ARFGEF1: variants seen among roughly 807,000 people sequenced by gnomAD.
ARFGEF1 encodes the protein brefeldin A-inhibited guanine nucleotide-exchange protein 1.
Under a neutral mutation model 231.0 loss-of-function variants are expected in ARFGEF1, and 42 were observed. The ratio of observed to expected loss-of-function variants is 0.18; its 90% CI spans 0.14 to 0.24. The LOEUF (loss-of-function observed/expected upper bound fraction) is 0.24. ARFGEF1 is among the 10% of genes least tolerant of loss of function. The pLI, the probability that ARFGEF1 is intolerant of heterozygous loss-of-function variation, is 1.00. For missense variants in ARFGEF1, 1,345 were observed against 2,192.0 expected, an observed-to-expected ratio of 0.61 and a Z score of 7.72; for synonymous variants, 710 against 732.3, an observed-to-expected ratio of 0.97 and a Z score of 0.49.
chr8:67,201,803 T>C lies in ARFGEF1; in HGVS notation c.5129-198A>G, dbSNP rs528942666. ...CTATTCAAGCTGGGGATATGAGATA[T>C]AAAAAAACTTGTGGCCTGGGAAGGT... On this transcript the variant is annotated intron_variant, in intron 36 of 38. Transcript: ENST00000262215. The C allele has an allele frequency of 9.6e-6, 6 of 627,792 alleles. No individual in the cohort carries two copies. The African/African-American group carries it at 9.6e-5, about 10-fold the overall frequency. The allele number at this position is 627,792 out of a possible 1,614,324, so 38.9% of individuals were successfully genotyped here. A position where few individuals can be genotyped will look rare whatever the true frequency, so the allele number is the denominator to read the frequency against.
chr8:67,333,157 G>T (rs1808181514), intron 1 of ARFGEF1, among the ~76,000 whole-genome samples: 1 of 150,812 alleles, frequency 6.6e-6, no homozygotes, highest in African/African-American at 2.4e-5. Flanking sequence ...TGCCTCAGCC[G>T]CCCGAGCAGC....
At position 67,302,426 on chromosome 8, in the gene ARFGEF1, TC is replaced by T; in HGVS notation, c.155+9del. On this transcript the variant is annotated intron_variant, in intron 2 of 38. Coordinates refer to ENST00000262215, the MANE Select transcript of ARFGEF1 (RefSeq NM_006421.5). ...AATTATTTTTACTAAAGAAAAGAAA[TC>T]CCACAAACCTCTGTTTTTCAGTTTC... 1.3e-6 allele frequency: 2 copies of T among 1,562,482 alleles called. No individual in the cohort carries two copies. The highest frequency in any genetic ancestry group is 1.2e-5 in the South Asian group (1 of 80,980).
At chr8:67,284,638 G>C (rs527719344) in intron 7 of ARFGEF1, among the ~76,000 whole-genome samples, 1 of 152,086 alleles carries the variant, frequency 6.6e-6, no homozygotes, top group African/African-American at 2.4e-5. Flanking sequence ...TGTAGGAAAC[G>C]GAAGATACAA....
At position 67,258,217 on chromosome 8, in the gene ARFGEF1, T is replaced by C. The variant is rs1840521870; in HGVS notation, c.2309A>G (p.His770Arg). The C allele has an allele frequency of 3.7e-6, 6 of 1,611,878 alleles. No individual in the cohort carries two copies. The highest frequency in any genetic ancestry group is 2.2e-5 in the South Asian group (2 of 91,036). The stretch of plus-strand genomic sequence containing the variant: ...AACGAAGTCTTTTCCTGAAAAGTCA[T>C]GTTGGTCCACATATGCATACATGAC... Reference protein sequence around the residue: ...KEVMYAYVDQHDFSGKDFVSA... With the variant: ...KEVMYAYVDQRDFSGKDFVSA... The change falls in exon 16 of 39, where the codon CAT (histidine) becomes CGT (arginine). Residue 770 changes from histidine to arginine, a missense_variant. By Grantham distance (29) the His-to-Arg change is conservative. Around this residue, in one of 14 missense-constraint regions of ARFGEF1, gnomAD observed 105 missense variants for 159.3 expected, o/e 0.66. Coordinates refer to ENST00000262215, the MANE Select transcript of ARFGEF1 (RefSeq NM_006421.5).
chr8:67,260,125 G>C (rs1840594364), intron 14 of ARFGEF1, among the ~76,000 whole-genome samples, 199 bp from the exon 15 acceptor site: 1 of 152,064 alleles, frequency 6.6e-6, no homozygotes. Flanking sequence ...GTCTCATATG[G>C]AAGGCCATCT....
intron 6 of ARFGEF1, among the ~76,000 whole-genome samples, chr8:67,290,248 G>A (rs748231429): frequency 2.0e-5 from 3 of 152,066 alleles, no homozygotes; most frequent in South Asian, 2.1e-4. Flanking sequence ...CCTCACACAC[G>A]GCAGATGCTT....
At chr8:67,236,360 A>AT (rs1839747143) in intron 22 of ARFGEF1, among the ~76,000 whole-genome samples, 3 of 43,286 alleles carry the variant, frequency 6.9e-5, no homozygotes, top group Non-Finnish European at 1.3e-4. Flanking sequence ...AAAAAAAAAA[A>AT]AAAAAATATA....
intron 1 of ARFGEF1, among the ~76,000 whole-genome samples, chr8:67,319,043 CAT>C (rs1356054106): frequency 1.3e-5 from 2 of 152,092 alleles, no homozygotes; most frequent in Non-Finnish European, 2.9e-5. Context: ...TAACAAAACA[CAT>C]ATAAAATATA....
chr8:67,238,524 T>C lies in ARFGEF1; in HGVS notation c.3139-31A>G, dbSNP rs1275543791. On this transcript the variant is annotated intron_variant, in intron 21 of 38. Transcript: ENST00000262215. ...TTACAAAAAGGAAAAAAATGTTAAA[T>C]TCCATGTTAAAAATATCTTCAAAAA... The C allele has an allele frequency of 6.3e-6, 10 of 1,578,180 alleles. No individual in the cohort carries two copies. In the Admixed American group the frequency reaches 1.3e-4, roughly 21 times the overall value.
intron 3 of ARFGEF1, among the ~76,000 whole-genome samples, chr8:67,300,461 C>T (rs943847224): frequency 6.6e-6 from 1 of 152,068 alleles, no homozygotes; most frequent in South Asian, 2.1e-4. Flanking sequence ...ACTGCCATCG[C>T]TAAAGTATAG....
At chr8:67,317,192 T>C (rs960641227) in intron 1 of ARFGEF1, among the ~76,000 whole-genome samples, 7 of 152,168 alleles carry the variant, frequency 4.6e-5, no homozygotes, top group African/African-American at 1.7e-4. Context: ...TTTTGAATCA[T>C]CCTAATTTGT....
intron 34 of ARFGEF1, among the ~76,000 whole-genome samples, chr8:67,205,298 AAT>A (rs1838473671): frequency 6.6e-6 from 1 of 152,150 alleles, no homozygotes; most frequent in African/African-American, 2.4e-5. Context: ...CTGCCCTGAG[AAT>A]CTGGGATGGA....
intron 19 of ARFGEF1, among the ~76,000 whole-genome samples, chr8:67,249,246 T>G (rs6990696): frequency 6.6e-6 from 1 of 150,476 alleles, no homozygotes; most frequent in Admixed American, 6.6e-5. Context: ...ATTTTCAGTA[T>G]AGTATTCAAT....
chr8:67,218,679 A>G (rs1839041501), intron 30 of ARFGEF1, among the ~76,000 whole-genome samples: 1 of 152,102 alleles, frequency 6.6e-6, no homozygotes, highest in Non-Finnish European at 1.5e-5. Context: ...AGAAGTCTGC[A>G]TTTAATACTG....
At chr8:67,254,667 A>T (rs1188349152) in intron 17 of ARFGEF1, among the ~76,000 whole-genome samples, 1 of 152,146 alleles carries the variant, frequency 6.6e-6, no homozygotes, top group Non-Finnish European at 1.5e-5. Context: ...CTCAAACAAA[A>T]ACAAAAGTAC....
At chr8:67,318,130 G>A (rs183227789) in intron 1 of ARFGEF1, among the ~76,000 whole-genome samples, 15 of 151,460 alleles carry the variant, frequency 9.9e-5, no homozygotes, top group Admixed American at 5.3e-4. Flanking sequence ...CCAGCTACTC[G>A]GGAGGCTGAT....
chr8:67,225,040 GA>G lies in ARFGEF1; in HGVS notation c.4078-8del, dbSNP rs1839324175. 3 of 1,579,002 alleles carry G rather than the reference GA, an allele frequency of 1.9e-6. No individual in the cohort carries two copies. Among genetic ancestry groups the G allele is most frequent in the Non-Finnish European group, 2.6e-6 (3 of 1,166,120 alleles). On this transcript the variant is annotated splice_region_variant and splice_polypyrimidine_tract_variant and intron_variant, in intron 28 of 38. Coordinates refer to ENST00000262215, the MANE Select transcript of ARFGEF1 (RefSeq NM_006421.5). ...TTGTGTATTCCTTGAAAGCCTTCAA[GA>G]AAAAAGGTAGGGTTATTAAAGGCAA...
chr8:67,301,552 A>G (rs1288656223), intron 2 of ARFGEF1, among the ~76,000 whole-genome samples, 172 bp from the exon 3 acceptor site: 1 of 152,240 alleles, frequency 6.6e-6, no homozygotes, highest in Non-Finnish European at 1.5e-5. Flanking sequence ...GGTTTGCCAC[A>G]TAGTCAAAAG....
chr8:67,230,061 T>C (rs1180500583), intron 23 of ARFGEF1, among the ~76,000 whole-genome samples: 1 of 151,996 alleles, frequency 6.6e-6, no homozygotes, highest in Non-Finnish European at 1.5e-5. Flanking sequence ...GCATCCATTC[T>C]GAGAAAGGGC....
Sources: gnomAD v4.1 joint callset for allele counts (sites outside exome capture counted in the v4.1 genomes callset) on GRCh38, gnomAD v4.1.1 for gene constraint, gnomAD v4.1.1 regional missense constraint, MANE v1.5 for transcripts, NCBI Gene and HGNC (gene_info 2026-07-23, HGNC 2026-07-21) for gene names.